GXYLT2: variants seen among roughly 807,000 people sequenced by gnomAD.
GXYLT2 encodes the protein glucoside xylosyltransferase 2.
In GXYLT2, 53 loss-of-function variants were observed where a neutral mutation model predicts 45.8. The observed-to-expected ratio is 1.16, with a 90% CI of 0.93 to 1.46. The LOEUF is 1.46. GXYLT2 is among the 40% of genes most tolerant of loss of function. The pLI is 0.00. For missense variants in GXYLT2, 551 were observed against 544.4 expected, an observed-to-expected ratio of 1.01 and a Z score of -0.12; for synonymous variants, 219 against 214.2, an observed-to-expected ratio of 1.02 and a Z score of -0.19.
chr3:72,958,600 A>T (rs556220718), intron 5 of GXYLT2, among the ~76,000 whole-genome samples: 1 of 151,388 alleles, frequency 6.6e-6, no homozygotes, highest in Non-Finnish European at 1.5e-5. Context: ...AGTAGAGGAA[A>T]GGGGAATGTC....
chr3:72,936,675 A>C (rs201541210), intron 3 of GXYLT2, among the ~76,000 whole-genome samples: 19 of 146,136 alleles, frequency 1.3e-4, no homozygotes, highest in South Asian at 4.4e-4. Context: ...ACAAAAAAAA[A>C]CCGAAACAAA....
At position 72,955,327 on chromosome 3, in the gene GXYLT2, G is replaced by T. The variant is rs764141156; in HGVS notation, c.830G>T (p.Arg277Leu). The T allele has an allele frequency of 1.9e-6, 3 of 1,613,688 alleles. No individual in the cohort carries two copies. The highest frequency in any genetic ancestry group is 2.5e-6 in the Non-Finnish European group (3 of 1,179,832). ...NSGVMLMNLT[R>L]IRSTQFKNSM... ...GGAGTCATGTTAATGAATTTAACTC[G>T]GATAAGAAGTACCCAGTTCAAGGTA... The change falls in exon 4 of 7, where the codon CGG (arginine) becomes CTG (leucine). Residue 277 changes from arginine (R) to leucine (L), a missense_variant. Physicochemically the swap from Arg to Leu is moderately radical, Grantham distance 102 (BLOSUM62 -2). Coordinates refer to ENST00000389617, the MANE Select transcript of GXYLT2 (RefSeq NM_001080393.2).
At chr3:72,930,760 AT>A (rs886992924) in intron 3 of GXYLT2, among the ~76,000 whole-genome samples, 7 of 151,562 alleles carry the variant, frequency 4.6e-5, no homozygotes, top group South Asian at 4.2e-4. Flanking sequence ...AGCCCAACTA[AT>A]TTTCATACTT....
chr3:72,945,389 T>C (rs1297020032), intron 3 of GXYLT2, among the ~76,000 whole-genome samples: 2 of 152,236 alleles, frequency 1.3e-5, no homozygotes, highest in Non-Finnish European at 2.9e-5. Flanking sequence ...ATGCCTAGCA[T>C]ATATTATGTC....
intron 6 of GXYLT2, among the ~76,000 whole-genome samples, chr3:72,970,646 G>T (rs1434769304): frequency 6.6e-6 from 1 of 152,134 alleles, no homozygotes; most frequent in Non-Finnish European, 1.5e-5. Context: ...GATCACCTGA[G>T]GTCGGGAGTT....
chr3:72,918,047 G>A (rs1034534545), intron 2 of GXYLT2, among the ~76,000 whole-genome samples: 1 of 152,082 alleles, frequency 6.6e-6, no homozygotes, highest in Non-Finnish European at 1.5e-5. Context: ...GGCTTTGCAG[G>A]CTGTATGGTC....
chr3:72,956,156 T>C (rs1480629010), intron 4 of GXYLT2, among the ~76,000 whole-genome samples: 1 of 151,864 alleles, frequency 6.6e-6, no homozygotes, highest in African/African-American at 2.4e-5. Context: ...GAGGCTGAGA[T>C]GGGAGGATCG....
In GXYLT2 at chr3:72,955,950, C is replaced by CACCTGTAGTCCTAGCTATTCA. The variant is rs1258723115; in HGVS notation, c.852+602_852+622dup. Among the ~76,000 whole-genome samples, 3 of 152,292 alleles carry CACCTGTAGTCCTAGCTATTCA rather than the reference C, an allele frequency of 2.0e-5. No individual in the cohort carries two copies. The East Asian group carries it at 5.8e-4, about 29-fold the overall frequency. ...AAAATTAGCCAGGAATGATGGCGCA[C>CACCTGTAGTCCTAGCTATTCA]ACCTGTAGTCCTAGCTATTCAGGAG... is the stretch of plus-strand genomic sequence containing the variant. On this transcript the variant is annotated intron_variant, in intron 4 of 6. Coordinates refer to ENST00000389617, the MANE Select transcript of GXYLT2 (RefSeq NM_001080393.2).
intron 1 of GXYLT2, among the ~76,000 whole-genome samples, chr3:72,895,567 G>T (rs977368775): frequency 6.6e-6 from 1 of 151,820 alleles, no homozygotes; most frequent in African/African-American, 2.4e-5. Context: ...TTTTCCTTAG[G>T]AATACTTCAT....
At chr3:72,908,832 G>A (rs1276672718) in intron 2 of GXYLT2, among the ~76,000 whole-genome samples, 1 of 152,104 alleles carries the variant, frequency 6.6e-6, no homozygotes, top group Non-Finnish European at 1.5e-5. Flanking sequence ...CAACCTTCCA[G>A]GCTCAAGTGA....
At chr3:72,954,540 G>A (rs1204390795) in intron 3 of GXYLT2, among the ~76,000 whole-genome samples, 1 of 151,122 alleles carries the variant, frequency 6.6e-6, no homozygotes, top group East Asian at 1.9e-4. Context: ...CCAAGGCTTG[G>A]TATGAGCTGC....
chr3:72,909,356 C>T lies in GXYLT2; in HGVS notation c.468+797C>T, dbSNP rs536582268. Among the ~76,000 whole-genome samples the T allele has an allele frequency of 3.9e-5, 6 of 152,058 alleles. No individual in the cohort carries two copies. In the South Asian group the frequency reaches 1.2e-3, roughly 32 times the overall value. Reference sequence around the variant, plus strand: ...AAGTGCTGGGATTACAGGCATGAGCCACTGCGCCTGGCCGGTTTTTTTTTC... The same window carrying T: ...AAGTGCTGGGATTACAGGCATGAGCTACTGCGCCTGGCCGGTTTTTTTTTC... On this transcript the variant is annotated intron_variant, in intron 2 of 6. Transcript: ENST00000389617.
intron 5 of GXYLT2, among the ~76,000 whole-genome samples, chr3:72,960,558 G>T (rs772724539): frequency 6.6e-6 from 1 of 152,112 alleles, no homozygotes; most frequent in Admixed American, 6.6e-5. Context: ...CTAAATCCTG[G>T]TTCTGCACAG....
intron 2 of GXYLT2, among the ~76,000 whole-genome samples, chr3:72,911,927 ATACTT>A (rs1475030947): frequency 6.7e-6 from 1 of 148,620 alleles, no homozygotes; most frequent in African/African-American, 2.5e-5. Context: ...TATATTATAT[ATACTT>A]AAATGTATAT....
intron 6 of GXYLT2, among the ~76,000 whole-genome samples, chr3:72,973,160 G>A (rs1312135101): frequency 1.3e-5 from 2 of 152,136 alleles, no homozygotes; most frequent in Admixed American, 1.3e-4. Flanking sequence ...TAAAAAGAGT[G>A]GGCTGATGGG....
intron 3 of GXYLT2, among the ~76,000 whole-genome samples, chr3:72,938,966 G>A (rs1710243143): frequency 6.6e-6 from 1 of 152,176 alleles, no homozygotes; most frequent in Admixed American, 6.5e-5. Flanking sequence ...GTGCATGCCT[G>A]AATGCAGCCA....
intron 3 of GXYLT2, among the ~76,000 whole-genome samples, chr3:72,946,743 C>T (rs1392905473): frequency 6.6e-6 from 1 of 152,150 alleles, no homozygotes; most frequent in African/African-American, 2.4e-5. Flanking sequence ...AAGATTTTAA[C>T]ATATGAACTT....
At position 72,955,209 on chromosome 3, in the gene GXYLT2, G is replaced by A. The variant is rs200422340; in HGVS notation, c.712G>A (p.Ala238Thr). ...GAGGCTGTTTAATTCCACCCAGCTT[G>A]CAGCCATGGCCCCTGAGCACGAAAT... ...LLRLFNSTQL[A>T]AMAPEHEIPK... is the part of the protein sequence containing the mutation. Residue 238 changes from alanine (A) to threonine (T), a missense_variant, in exon 4 of 7, where the codon GCA becomes ACA. By Grantham distance (58) the Ala-to-Thr change is moderately conservative. Transcript: ENST00000389617. 5.4e-5 allele frequency: 87 copies of A among 1,613,908 alleles called. No individual in the cohort carries two copies. The highest frequency in any genetic ancestry group is 6.9e-5 in the Non-Finnish European group (81 of 1,179,910).
chr3:72,898,538 A>G (rs567887057), intron 1 of GXYLT2, among the ~76,000 whole-genome samples: 1 of 152,206 alleles, frequency 6.6e-6, no homozygotes, highest in Non-Finnish European at 1.5e-5. Context: ...TGGAGGGGGA[A>G]TAAATCAACA....
Sources: allele counts gnomAD v4.1 joint callset (sites outside exome capture counted in the v4.1 genomes callset), GRCh38; gene constraint gnomAD v4.1.1; transcripts MANE v1.5; gene names NCBI Gene and HGNC (gene_info 2026-07-23, HGNC 2026-07-21).